Variants in PPARA observed in about 807,000 individuals in gnomAD.
PPARA encodes the protein peroxisome proliferator activated receptor alpha, also known as peroxisome proliferator-activated receptor alpha.
Under a neutral mutation model 42.2 loss-of-function variants are expected in PPARA, and 22 were observed. The observed-to-expected ratio is 0.52, with a 90% CI of 0.37 to 0.74. The LOEUF (loss-of-function observed/expected upper bound fraction) is 0.74, where lower values mean the gene tolerates loss of function less well. PPARA is among the 30% of genes least tolerant of loss of function. PPARA has a pLI of 0.00. For synonymous variants in PPARA, 242 were observed against 239.3 expected (o/e 1.01, Z -0.10); for missense variants, 465 against 608.2 (o/e 0.76, Z 2.48).
At position 46,225,892 on chromosome 22, in the gene PPARA, CAT is replaced by C. The variant is rs1436137340; in HGVS notation, c.711+5879_711+5880del. ...ACACATGGATACACGCACACTCACA[CAT>C]GTACCCACACCTGTGTGTACACACA... On this transcript the variant is annotated intron_variant, in intron 7 of 8. Coordinates refer to ENST00000407236, the MANE Select transcript of PPARA (RefSeq NM_005036.6). The surrounding 1 kb of genome is among the most constrained non-coding windows in gnomAD (Gnocchi z 4.1). Among the ~76,000 whole-genome samples the C allele has an allele frequency of 6.6e-6, 1 of 151,798 alleles. No individual in the cohort carries two copies.
At chr22:46,201,053 A>C (rs1932809852) in intron 4 of PPARA, among the ~76,000 whole-genome samples, 1 of 152,000 alleles carries the variant, frequency 6.6e-6, no homozygotes, top group Non-Finnish European at 1.5e-5. Flanking sequence ...ATCTCTACTG[A>C]AAATACAAAA....
At chr22:46,226,478 G>A (rs1407552266) in intron 7 of PPARA, among the ~76,000 whole-genome samples, 3 of 152,174 alleles carry the variant, frequency 2.0e-5, no homozygotes, top group Non-Finnish European at 2.9e-5. Context: ...GGAATTGGGC[G>A]TGCCGTGTTA....
At chr22:46,164,629 GT>G (rs1180263486) in intron 2 of PPARA, 2 of 152,198 alleles carry the variant, frequency 1.3e-5, no homozygotes. Flanking sequence ...CGACAGAGGT[GT>G]TTCTCTGTTT....
At chr22:46,175,810 T>C (rs958730051) in intron 2 of PPARA, among the ~76,000 whole-genome samples, 1 of 152,154 alleles carries the variant, frequency 6.6e-6, no homozygotes, top group African/African-American at 2.4e-5. Flanking sequence ...AGCTTGTTGG[T>C]GCATCAACAG....
At chr22:46,201,124 CAAAAAAAA>C (rs1361052121) in intron 4 of PPARA, among the ~76,000 whole-genome samples, 1 of 61,726 alleles carries the variant, frequency 1.6e-5, no homozygotes, top group African/African-American at 5.0e-5. Flanking sequence ...GATTCCGTCT[CAAAAAAAA>C]AAAAAAAAAA....
At chr22:46,217,973 G>C (rs2147575427) in intron 5 of PPARA, among the ~76,000 whole-genome samples, 1 of 151,694 alleles carries the variant, frequency 6.6e-6, no homozygotes, top group African/African-American at 2.4e-5. Context: ...TGGGACTACA[G>C]ACTTACATCA....
At chr22:46,197,881 G>A (rs1420214627) in intron 3 of PPARA, among the ~76,000 whole-genome samples, 1 of 151,178 alleles carries the variant, frequency 6.6e-6, no homozygotes, top group Non-Finnish European at 1.5e-5. Flanking sequence ...TCCAGCCTGG[G>A]CGACAAGAGC....
Position 46,225,768 on chromosome 22 carries a change from T to C in PPARA, c.711+5754T>C, listed in dbSNP as rs530670841. On this transcript the variant is annotated intron_variant, in intron 7 of 8. Coordinates refer to ENST00000407236, the MANE Select transcript of PPARA (RefSeq NM_005036.6). The surrounding 1 kb of genome is among the most constrained non-coding windows in gnomAD (Gnocchi z 4.1). Reference sequence around the variant, plus strand: ...GGGTACACACTCACACATCCATGCATGCACGTGTAAACACACACACCCCCA... The same window carrying C: ...GGGTACACACTCACACATCCATGCACGCACGTGTAAACACACACACCCCCA... 2.3e-5 allele frequency among the ~76,000 whole-genome samples: 3 copies of C among 131,240 alleles called. No individual in the cohort carries two copies. In the East Asian group the frequency reaches 6.2e-4, roughly 27 times the overall value. 86.1% of individuals were successfully genotyped at this position (131,240 alleles called of 152,430 possible). A position where few individuals can be genotyped will look rare whatever the true frequency, so the allele number is the denominator to read the frequency against.
intron 4 of PPARA, among the ~76,000 whole-genome samples, chr22:46,206,525 A>T (rs1341743377): frequency 6.6e-6 from 1 of 152,120 alleles, no homozygotes; most frequent in East Asian, 1.9e-4. Context: ...GTATCTCTCT[A>T]ATGTCTCCCA....
intron 2 of PPARA, among the ~76,000 whole-genome samples, chr22:46,174,925 T>G (rs967266931): frequency 1.3e-5 from 2 of 152,096 alleles, no homozygotes; most frequent in Non-Finnish European, 2.9e-5. Context: ...TACTTTTTTT[T>G]TTTTGAGACA....
In PPARA at chr22:46,171,675, G is replaced by A. The variant is rs1928061383; in HGVS notation, c.-126-5078G>A. On this transcript the variant is annotated intron_variant, in intron 2 of 8. Transcript: ENST00000407236. This position sits in a 1 kb window ranked among gnomAD's most constrained non-coding sequence, Gnocchi z 5.0. ...AGGGCAGCAGGGTGGGCTCATGAGAGGAACAGCCAGGAAGTGTGACTCGAG... is the reference window on the plus strand; with the variant it reads ...AGGGCAGCAGGGTGGGCTCATGAGAAGAACAGCCAGGAAGTGTGACTCGAG... Among the ~76,000 whole-genome samples, 1 of 152,118 alleles carries A rather than the reference G, an allele frequency of 6.6e-6. No homozygotes were observed. The highest frequency in any genetic ancestry group is 2.4e-5 in the African/African-American group (1 of 41,422).
chr22:46,231,971 C>T lies in PPARA; in HGVS notation c.891C>T (p.Phe297=), dbSNP rs774720320. The T allele has an allele frequency of 2.4e-5, 38 of 1,614,094 alleles. No individual in the cohort carries two copies. In the East Asian group the frequency reaches 2.4e-4, roughly 10 times the overall value. Residue 297 remains phenylalanine (F), a synonymous_variant, in exon 8 of 9, where the codon TTC becomes TTT. Coordinates refer to ENST00000407236, the MANE Select transcript of PPARA (RefSeq NM_005036.6). This position sits in a 1 kb window ranked among gnomAD's most constrained non-coding sequence, Gnocchi z 7.7. ...LTEFAKAIPG[F]ANLDLNDQVT... is the part of the protein sequence containing the mutation. ...AATTCGCCAAGGCCATCCCAGGCTT[C>T]GCAAACTTGGACCTGAACGATCAAG...
At chr22:46,158,346 G>A (rs1376378046) in intron 2 of PPARA, among the ~76,000 whole-genome samples, 1 of 152,170 alleles carries the variant, frequency 6.6e-6, no homozygotes, top group South Asian at 2.1e-4. Flanking sequence ...GTCGGAGGTT[G>A]CAGTGAGCTG....
intron 3 of PPARA, among the ~76,000 whole-genome samples, chr22:46,185,977 A>C (rs1930750227): frequency 9.3e-6 from 1 of 107,756 alleles, no homozygotes; most frequent in Non-Finnish European, 1.8e-5. Flanking sequence ...ACACACACTA[A>C]CCTTCAGCAT....
intron 2 of PPARA, chr22:46,154,988 TAAAAAAAAAAAAAAAAAAAAA>T (rs71190699): frequency 0.063 from 1,966 of 31,068 alleles, 88 homozygotes; most frequent in African/African-American, 0.18. Flanking sequence ...GGTCTTTCTT[TAAAAAAAAAAAAAAAAAAAAA>T]AAAAAAAAAA....
chr22:46,172,573 G>A (rs996372818), intron 2 of PPARA, among the ~76,000 whole-genome samples: 4 of 152,096 alleles, frequency 2.6e-5, no homozygotes, highest in Non-Finnish European at 4.4e-5. Flanking sequence ...AGCTGAGATC[G>A]TGCCACTGCA....
chr22:46,153,669 G>A (rs1924822984), intron 2 of PPARA, among the ~76,000 whole-genome samples: 1 of 151,734 alleles, frequency 6.6e-6, no homozygotes, highest in Non-Finnish European at 1.5e-5. Flanking sequence ...GACCAGCCTG[G>A]CCAATATGGT....
At position 46,220,012 on chromosome 22, in the gene PPARA, C is replaced by G. The variant is rs139034092; in HGVS notation, c.709C>G (p.Pro237Ala). The G allele has an allele frequency of 6.2e-7, 1 of 1,613,830 alleles. No individual in the cohort carries two copies. The highest frequency in any genetic ancestry group is 8.5e-7 in the Non-Finnish European group (1 of 1,180,016). ...VILSGKASNN[P>A]PFVIHDMETL... ...CCTCTCAGGAAAGGCCAGTAACAAT[C>G]CAGTAGGTGTTTGCGGCTGTTCTGG... is the stretch of plus-strand genomic sequence containing the variant. The change falls in exon 7 of 9, where the codon CCA (proline) becomes GCA (alanine). Residue 237 changes from proline to alanine, a missense_variant and splice_region_variant. Physicochemically the swap from Pro to Ala is conservative, Grantham distance 27. This residue lies in a region of PPARA where 313 missense variants were observed against 469.1 expected (regional missense o/e 0.67). Transcript: ENST00000407236.
intron 2 of PPARA, among the ~76,000 whole-genome samples, chr22:46,170,650 G>A (rs931752184): frequency 4.0e-5 from 6 of 151,570 alleles, no homozygotes; most frequent in African/African-American, 1.5e-4. Flanking sequence ...GTGTAGGAGA[G>A]GAAGATGACA....
Sources: gnomAD v4.1 joint callset for allele counts (sites outside exome capture counted in the v4.1 genomes callset) on GRCh38, gnomAD v4.1.1 for gene constraint, gnomAD v4.1.1 regional missense constraint, Gnocchi (gnomAD v3.1) non-coding constraint, MANE v1.5 for transcripts, NCBI Gene and HGNC (gene_info 2026-07-23, HGNC 2026-07-21) for gene names.